Variants in GNAL observed in about 807,000 individuals in gnomAD.
The protein encoded by GNAL is G protein subunit alpha L, also known as guanine nucleotide-binding protein G(olf) subunit alpha.
Under a neutral mutation model 55.1 loss-of-function variants are expected in GNAL, and 18 were observed. That is an observed-to-expected ratio of 0.33 (90% confidence interval 0.23 to 0.48). The LOEUF (loss-of-function observed/expected upper bound fraction) is 0.48. Among genes scored for constraint, GNAL ranks in the 20% least tolerant of loss-of-function variants. The probability of loss-of-function intolerance (pLI) is 0.99; values close to 1 mark genes in which losing one functional copy is unlikely to be tolerated. For missense variants in GNAL, 412 were observed against 614.1 expected (o/e 0.67, Z 3.48); for synonymous variants, 253 against 237.0 (o/e 1.07, Z -0.62).
intron 4 of GNAL, among the ~76,000 whole-genome samples, chr18:11,779,709 C>T (rs189771545): frequency 1.3e-5 from 2 of 152,304 alleles, no homozygotes; most frequent in East Asian, 3.9e-4. Flanking sequence ...AACACCTCCC[C>T]TAGGCTGGGG....
chr18:11,759,128 G>A (rs940070478), intron 4 of GNAL, among the ~76,000 whole-genome samples: 12 of 151,846 alleles, frequency 7.9e-5, no homozygotes, highest in Non-Finnish European at 1.5e-4. Flanking sequence ...AGCCAAGATC[G>A]TGATATTCCA....
At chr18:11,875,693 G>A (rs1057069563) in intron 10 of GNAL, among the ~76,000 whole-genome samples, 8 of 152,138 alleles carry the variant, frequency 5.3e-5, no homozygotes, top group South Asian at 2.1e-4. Context: ...TACCAGCATC[G>A]TGCTTCCCGT....
chr18:11,717,536 C>T (rs899374006), intron 1 of GNAL, among the ~76,000 whole-genome samples: 1 of 152,294 alleles, frequency 6.6e-6, no homozygotes, highest in East Asian at 1.9e-4. Context: ...GACATGGAAT[C>T]AAACTAAATG....
intron 9 of GNAL, among the ~76,000 whole-genome samples, chr18:11,870,537 A>T (rs1174906105): frequency 6.8e-6 from 1 of 147,124 alleles, no homozygotes; most frequent in African/African-American, 2.6e-5. Flanking sequence ...TAAAAAAAAA[A>T]ATTTTTTTAA....
intron 9 of GNAL, among the ~76,000 whole-genome samples, chr18:11,869,025 T>TACACCC (rs140085996): frequency 0.27 from 40,868 of 151,602 alleles, 6,322 homozygotes; most frequent in African/African-American, 0.43. Flanking sequence ...CACACATACC[T>TACACCC]ACACCCACAC....
intron 5 of GNAL, among the ~76,000 whole-genome samples, chr18:11,840,512 A>G (rs1001261554): frequency 2.0e-5 from 3 of 152,260 alleles, no homozygotes; most frequent in Non-Finnish European, 4.4e-5. Context: ...TGCAAAGGTC[A>G]GTTTCTCATT....
chr18:11,802,604 C>T (rs921283293), intron 4 of GNAL, among the ~76,000 whole-genome samples: 1 of 152,220 alleles, frequency 6.6e-6, no homozygotes, highest in Non-Finnish European at 1.5e-5. Context: ...CATCCATCCA[C>T]AGATTCCAAA....
intron 5 of GNAL, among the ~76,000 whole-genome samples, chr18:11,848,117 A>G (rs1168967110): frequency 6.6e-6 from 1 of 152,194 alleles, no homozygotes; most frequent in Non-Finnish European, 1.5e-5. Context: ...CCCAGCACCA[A>G]GGAGACAGCT....
chr18:11,855,669 T>C (rs1016118531), intron 5 of GNAL, among the ~76,000 whole-genome samples: 2 of 152,134 alleles, frequency 1.3e-5, no homozygotes, highest in African/African-American at 4.8e-5. Flanking sequence ...CCCTGCTGTC[T>C]TTGATTTGGA....
intron 4 of GNAL, among the ~76,000 whole-genome samples, chr18:11,788,936 T>TATATATATATATATATAC (rs1219351502): frequency 7.8e-6 from 1 of 128,912 alleles, no homozygotes. Flanking sequence ...TATATATATA[T>TATATATATATATATATAC]ACACATATAT....
At chr18:11,724,458 T>C (rs942262655) in intron 1 of GNAL, among the ~76,000 whole-genome samples, 5 of 152,202 alleles carry the variant, frequency 3.3e-5, no homozygotes, top group African/African-American at 9.6e-5. Flanking sequence ...AGAAAGACGG[T>C]GCAGTGCTGT....
intron 4 of GNAL, among the ~76,000 whole-genome samples, chr18:11,768,476 C>T (rs1242009915): frequency 1.3e-5 from 2 of 151,958 alleles, no homozygotes; most frequent in African/African-American, 4.8e-5. Flanking sequence ...TGGCACATGC[C>T]TGTAATCCCA....
Position 11,884,238 on chromosome 18 carries a change from TTTG to T in GNAL, c.*3108_*3110del, listed in dbSNP as rs1395326232. ...TATTTGATAAAAATGAGAAAACAGATTTGTTGTAGAGTACCTGTCCACTTTTAT... is the reference window on the plus strand; with the variant it reads ...TATTTGATAAAAATGAGAAAACAGATTTGTAGAGTACCTGTCCACTTTTAT... On this transcript the variant is annotated 3_prime_UTR_variant, in exon 12 of 12. Coordinates refer to ENST00000334049, the MANE Select transcript of GNAL (RefSeq NM_182978.4). The T allele has an allele frequency of 7.3e-6, 4 of 547,630 alleles. No homozygotes were observed. The East Asian group carries it at 1.2e-4, about 16-fold the overall frequency. 33.9% of individuals were successfully genotyped at this position (547,630 alleles called of 1,614,324 possible).
chr18:11,769,361 G>A (rs2033561432), intron 4 of GNAL, among the ~76,000 whole-genome samples: 1 of 151,868 alleles, frequency 6.6e-6, no homozygotes, highest in Admixed American at 6.6e-5. Context: ...ACTTCGTACA[G>A]TAGGGCTTCC....
At position 11,884,386 on chromosome 18, in the gene GNAL, A is replaced by G; in HGVS notation, c.*3251A>G. ...GTCTCATCATCCACTTGATTCTAAC[A>G]TGATCTCTGCCCAAAGTTCCATTTC... On this transcript the variant is annotated 3_prime_UTR_variant, in exon 12 of 12. Transcript: ENST00000334049. The G allele has an allele frequency of 1.3e-6, 2 of 1,550,972 alleles. No homozygotes were observed. Among genetic ancestry groups the G allele is most frequent in the Non-Finnish European group, 1.8e-6 (2 of 1,130,182 alleles).
intron 5 of GNAL, among the ~76,000 whole-genome samples, chr18:11,855,095 T>C (rs903435675): frequency 6.6e-6 from 1 of 151,768 alleles, no homozygotes; most frequent in Non-Finnish European, 1.5e-5. Context: ...TAATTTTTGT[T>C]TTTGTTGTTG....
chr18:11,872,413 C>T lies in GNAL; in HGVS notation c.1162+15C>T. ...TCCTGAAGACGGTAAGATTTCAAAA[C>T]ACATTCTTATGATTGAGGAATAGAA... On this transcript the variant is annotated intron_variant, in intron 10 of 11. Coordinates refer to ENST00000334049, the MANE Select transcript of GNAL (RefSeq NM_182978.4). The T allele has an allele frequency of 6.7e-7, 1 of 1,499,030 alleles. No homozygotes were observed. The highest frequency in any genetic ancestry group is 1.2e-5 in the South Asian group (1 of 82,580). 92.9% of individuals were successfully genotyped at this position (1,499,030 alleles called of 1,614,324 possible). A position where few individuals can be genotyped will look rare whatever the true frequency, so the allele number is the denominator to read the frequency against.
In GNAL at chr18:11,885,462, C is replaced by A. The variant is rs1321017130; in HGVS notation, c.*4327C>A. ...AAGTCCACCTGGACGGTGCCCTGCC[C>A]TCGCTTCTCACATTAACTGCCCAGG... is the stretch of plus-strand genomic sequence containing the variant. On this transcript the variant is annotated 3_prime_UTR_variant, in exon 12 of 12. Coordinates refer to ENST00000334049, the MANE Select transcript of GNAL (RefSeq NM_182978.4). The A allele has an allele frequency of 1.2e-5, 7 of 589,224 alleles. No individual in the cohort carries two copies. Among genetic ancestry groups the A allele is most frequent in the East Asian group, 6.0e-5 (2 of 33,304 alleles). The allele number at this position is 589,224 out of a possible 1,614,324, so 36.5% of individuals were successfully genotyped here.
intron 4 of GNAL, among the ~76,000 whole-genome samples, chr18:11,821,069 C>A (rs1598406184): frequency 6.6e-6 from 1 of 152,316 alleles, no homozygotes; most frequent in East Asian, 1.9e-4. Context: ...TAAGCCTTAT[C>A]CCATGAACTG....
Sources: gnomAD v4.1 joint callset for allele counts (sites outside exome capture counted in the v4.1 genomes callset) on GRCh38, gnomAD v4.1.1 for gene constraint, MANE v1.5 for transcripts, NCBI Gene and HGNC (gene_info 2026-07-23, HGNC 2026-07-21) for gene names.